The following PLXNC1 variants were observed in gnomAD, a reference collection of about 807,000 sequenced individuals.
PLXNC1 encodes plexin C1, also known as plexin-C1.
In PLXNC1, 75 loss-of-function variants were observed where a neutral mutation model predicts 178.2. The ratio of observed to expected loss-of-function variants is 0.42; its 90% CI spans 0.35 to 0.51. The LOEUF is 0.51. Ranked by LOEUF, PLXNC1 falls within the 20% of genes least tolerant of loss-of-function variation. The probability of loss-of-function intolerance (pLI) is 0.02; values close to 1 mark genes in which losing one functional copy is unlikely to be tolerated. For missense variants in PLXNC1, 1,503 were observed against 1,984.4 expected (o/e 0.76, Z 4.61); for synonymous variants, 790 against 779.9 (o/e 1.01, Z -0.22).
chr12:94,254,252 A>G (rs1964779119), intron 15 of PLXNC1, among the ~76,000 whole-genome samples: 2 of 152,232 alleles, frequency 1.3e-5, no homozygotes, highest in Non-Finnish European at 2.9e-5. Context: ...CAGCACAGTT[A>G]GAAGCAATAT....
At chr12:94,287,798 G>C (rs889830517) in intron 23 of PLXNC1, among the ~76,000 whole-genome samples, 10 of 152,220 alleles carry the variant, frequency 6.6e-5, no homozygotes, top group African/African-American at 2.4e-4. Flanking sequence ...GTTGCAGTGT[G>C]AATGTCTTTA....
At chr12:94,239,961 A>T (rs575073225) in intron 10 of PLXNC1, among the ~76,000 whole-genome samples, 4 of 152,172 alleles carry the variant, frequency 2.6e-5, no homozygotes, top group Non-Finnish European at 5.9e-5. Flanking sequence ...TACAAGAGAG[A>T]TGAGTGTAAT....
Position 94,265,214 on chromosome 12 carries a change from T to G in PLXNC1, c.3586T>G (p.Phe1196Val), listed in dbSNP as rs766390615. 6.2e-7 allele frequency: 1 copy of G among 1,611,230 alleles called. No homozygotes were observed. Among genetic ancestry groups the G allele is most frequent in the Non-Finnish European group, 8.5e-7 (1 of 1,177,638 alleles). ...CTGGCTGTTGTGGCAGGTTCCGGAA[T>G]TCAGTACTGTGGTATGTTTTCAATA... ...EDWLLWQVPE[F>V]STVALNVVFE... is the part of the protein sequence containing the mutation. Residue 1196 changes from phenylalanine to valine, a missense_variant, in exon 21 of 31, where the codon TTC becomes GTC. Coordinates refer to ENST00000258526, the MANE Select transcript of PLXNC1 (RefSeq NM_005761.3).
intron 4 of PLXNC1, among the ~76,000 whole-genome samples, chr12:94,208,519 C>T (rs1258981709): frequency 2.6e-5 from 4 of 152,196 alleles, no homozygotes; most frequent in East Asian, 1.9e-4. Flanking sequence ...TCATTCCGCT[C>T]GGATCCCCTC....
chr12:94,237,847 C>G, intron 10 of PLXNC1, 44 bp downstream of exon 10: 2 of 1,592,718 alleles, frequency 1.3e-6, no homozygotes, highest in Non-Finnish European at 1.7e-6. Context: ...ACGTAACGCT[C>G]AAACCTGTGC....
chr12:94,184,290 G>GTA (rs1466226380), intron 3 of PLXNC1, among the ~76,000 whole-genome samples: 2 of 145,266 alleles, frequency 1.4e-5, no homozygotes, highest in African/African-American at 5.3e-5. Flanking sequence ...GCTAATTTTT[G>GTA]TATTTTTTTT....
intron 23 of PLXNC1, among the ~76,000 whole-genome samples, chr12:94,284,614 T>C (rs1204754256): frequency 6.6e-6 from 1 of 152,102 alleles, no homozygotes; most frequent in Non-Finnish European, 1.5e-5. Context: ...GTACTATTAT[T>C]AACCCCACTT....
rs59056862 is a variant in PLXNC1, at chr12:94,242,302, A to ATT, written c.2301-1611_2301-1610dup. ...CTGTATCTCTGTCCTAATCTCCCCA[A>ATT]TTTTTTTTTTTTTTTTTTTTTTTTT... On this transcript the variant is annotated intron_variant, in intron 11 of 30. Coordinates refer to ENST00000258526, the MANE Select transcript of PLXNC1 (RefSeq NM_005761.3). Among the ~76,000 whole-genome samples, 76 of 97,358 alleles carry ATT rather than the reference A, an allele frequency of 7.8e-4. 2 individuals are homozygous for ATT. The highest frequency in any genetic ancestry group is 3.1e-3 in the South Asian group (9 of 2,862). The allele number at this position is 97,358 out of a possible 152,430, so 63.9% of individuals were successfully genotyped here. A position where few individuals can be genotyped will look rare whatever the true frequency, so the allele number is the denominator to read the frequency against.
chr12:94,162,313 G>A (rs990504926), intron 1 of PLXNC1, among the ~76,000 whole-genome samples: 1 of 152,186 alleles, frequency 6.6e-6, no homozygotes, highest in East Asian at 1.9e-4. Flanking sequence ...CAGAAAGATG[G>A]TAATGTGTCC....
At position 94,209,855 on chromosome 12, in the gene PLXNC1, G is replaced by C. The variant is rs1041305953; in HGVS notation, c.1554+151G>C. The C allele has an allele frequency of 1.2e-5, 7 of 571,736 alleles. No homozygotes were observed. In the African/African-American group the frequency reaches 1.3e-4, roughly 11 times the overall value. The allele number at this position is 571,736 out of a possible 1,614,324, so 35.4% of individuals were successfully genotyped here. On this transcript the variant is annotated intron_variant, in intron 5 of 30. Coordinates refer to ENST00000258526, the MANE Select transcript of PLXNC1 (RefSeq NM_005761.3). ...TTTAGCACTCATTAACGAATATTGA[G>C]TGCCCACCAGATGCCATCCACTCTG...
intron 21 of PLXNC1, among the ~76,000 whole-genome samples, chr12:94,268,586 AC>A (rs1274538401): frequency 1.1e-5 from 1 of 91,176 alleles, no homozygotes; most frequent in Admixed American, 1.2e-4. Context: ...AGAGAATAAG[AC>A]CTTTTTTTTT....
intron 2 of PLXNC1, among the ~76,000 whole-genome samples, chr12:94,176,701 ATAG>A (rs1477072849): frequency 1.3e-5 from 2 of 152,300 alleles, no homozygotes; most frequent in East Asian, 3.9e-4. Flanking sequence ...GCAACCAATG[ATAG>A]TAGTTTCATG....
At chr12:94,303,698 T>G in intron 28 of PLXNC1, 58 bp from the exon 29 acceptor site, 1 of 1,111,518 alleles carries the variant, frequency 9.0e-7, no homozygotes, top group South Asian at 1.8e-5. Flanking sequence ...TCCATCTTTT[T>G]TTTTTTTTTT....
At chr12:94,201,410 A>C (rs926936331) in intron 4 of PLXNC1, among the ~76,000 whole-genome samples, 1 of 152,154 alleles carries the variant, frequency 6.6e-6, no homozygotes, top group Non-Finnish European at 1.5e-5. Flanking sequence ...TTTTTGCCTA[A>C]ATTTTCTGTT....
chr12:94,183,713 T>C (rs1341604759), intron 3 of PLXNC1, among the ~76,000 whole-genome samples: 2 of 152,220 alleles, frequency 1.3e-5, no homozygotes, highest in Non-Finnish European at 2.9e-5. Context: ...GACCCCAGGC[T>C]GGGAACCATT....
In PLXNC1 at chr12:94,179,176, C is replaced by A. The variant is rs541156615; in HGVS notation, c.1204-2270C>A. 2.0e-5 allele frequency among the ~76,000 whole-genome samples: 3 copies of A among 152,360 alleles called. No homozygotes were observed. The South Asian group carries it at 6.2e-4, about 32-fold the overall frequency. Reference sequence around the variant, plus strand: ...CTTTGGCTAAACAGCAAATCCCTAACTGCCATCAGGATATGTGGGAACAGG... The same window carrying A: ...CTTTGGCTAAACAGCAAATCCCTAAATGCCATCAGGATATGTGGGAACAGG... On this transcript the variant is annotated intron_variant, in intron 2 of 30. Coordinates refer to ENST00000258526, the MANE Select transcript of PLXNC1 (RefSeq NM_005761.3).
chr12:94,254,623 C>G, intron 15 of PLXNC1, 164 bp from the exon 16 acceptor site: 1 of 709,714 alleles, frequency 1.4e-6, no homozygotes, highest in Non-Finnish European at 2.6e-6. Flanking sequence ...CTTATAAGAT[C>G]CAGCTTTTTA....
At position 94,218,730 on chromosome 12, in the gene PLXNC1, G is replaced by A. The variant is rs148824130; in HGVS notation, c.1555-1286G>A. Among the ~76,000 whole-genome samples, 872 of 152,014 alleles carry A rather than the reference G, an allele frequency of 5.7e-3. 11 individuals are homozygous for A. The highest frequency in any genetic ancestry group is 0.02 in the African/African-American group (832 of 41,472). On this transcript the variant is annotated intron_variant, in intron 5 of 30. Coordinates refer to ENST00000258526, the MANE Select transcript of PLXNC1 (RefSeq NM_005761.3). ...ACACACACACACGTACAGGCACACA[G>A]ATGTATCCCTGTACACATACAAACA...
chr12:94,168,578 G>T (rs563623595), intron 1 of PLXNC1, among the ~76,000 whole-genome samples: 14 of 152,202 alleles, frequency 9.2e-5, no homozygotes, highest in African/African-American at 3.1e-4. Context: ...TCTGTGGCTC[G>T]ATCCTACCCA....
Sources: gnomAD v4.1 joint callset for allele counts (sites outside exome capture counted in the v4.1 genomes callset) on GRCh38, gnomAD v4.1.1 for gene constraint, MANE v1.5 for transcripts, NCBI Gene and HGNC (gene_info 2026-07-23, HGNC 2026-07-21) for gene names.